NAMPT: variants seen among roughly 807,000 people sequenced by gnomAD.
NAMPT encodes the protein NAmPRTase.
NAMPT carries 7 observed loss-of-function variants against 58.7 expected under a neutral mutation model. The observed-to-expected ratio is 0.12, with a 90% CI of 0.07 to 0.22. NAMPT has a LOEUF of 0.22. NAMPT is among the 10% of genes least tolerant of loss of function. The pLI, the probability that NAMPT is intolerant of heterozygous loss-of-function variation, is 1.00. For missense variants in NAMPT, 271 were observed against 567.9 expected (o/e 0.48, Z 5.31); for synonymous variants, 145 against 198.1 (o/e 0.73, Z 2.25).
intron 1 of NAMPT, among the ~76,000 whole-genome samples, chr7:106,281,340 G>A (rs1792760543): frequency 3.3e-5 from 5 of 152,066 alleles, no homozygotes; most frequent in Admixed American, 1.3e-4. Context: ...TGATGTCTTA[G>A]GGTTGATTTG....
At chr7:106,256,573 C>T (rs1447585673) in intron 8 of NAMPT, among the ~76,000 whole-genome samples, 1 of 152,124 alleles carries the variant, frequency 6.6e-6, no homozygotes, top group Non-Finnish European at 1.5e-5. Context: ...TACAATGGTT[C>T]AACTTAACAA....
chr7:106,277,318 A>G, intron 1 of NAMPT, 139 bp from the exon 2 acceptor site: 2 of 691,938 alleles, frequency 2.9e-6, no homozygotes, highest in South Asian at 4.3e-5. Context: ...TCCTGGCTAT[A>G]CCAAATAAAA....
intron 1 of NAMPT, among the ~76,000 whole-genome samples, chr7:106,278,878 C>CTGAT (rs533987678): frequency 2.1e-4 from 32 of 151,416 alleles, no homozygotes; most frequent in Non-Finnish European, 1.8e-4. Context: ...GTTTGTAAGT[C>CTGAT]TGATTCATAG....
chr7:106,276,225 A>G (rs1792636725), intron 2 of NAMPT: 1 of 152,218 alleles, frequency 6.6e-6, no homozygotes, highest in Non-Finnish European at 1.5e-5. Flanking sequence ...TGTTTAATTC[A>G]AAAGGTTAGA....
chr7:106,280,060 A>T (rs1165313637), intron 1 of NAMPT, among the ~76,000 whole-genome samples: 1 of 152,194 alleles, frequency 6.6e-6, no homozygotes, highest in Non-Finnish European at 1.5e-5. Context: ...TACCAAGTGC[A>T]ATGGGAAGCC....
In NAMPT at chr7:106,284,821, G is replaced by C; in HGVS notation, c.57+7C>G. On this transcript the variant is annotated splice_region_variant and intron_variant, in intron 1 of 10. Transcript: ENST00000222553. ...TCCTCCTCATCTGCCCGGGCCCCGA[G>C]CTTTACCTTGTAGGAGTCGGTGGCC... The C allele has an allele frequency of 6.5e-7, 1 of 1,526,782 alleles. No homozygotes were observed. Among genetic ancestry groups the C allele is most frequent in the Non-Finnish European group, 8.8e-7 (1 of 1,131,626 alleles). The allele number at this position is 1,526,782 out of a possible 1,614,324, so 94.6% of individuals were successfully genotyped here. A position where few individuals can be genotyped will look rare whatever the true frequency, so the allele number is the denominator to read the frequency against.
intron 6 of NAMPT, among the ~76,000 whole-genome samples, chr7:106,265,876 A>G (rs1169366084): frequency 6.6e-6 from 1 of 152,230 alleles, no homozygotes; most frequent in Non-Finnish European, 1.5e-5. Context: ...AAGCTTCTGT[A>G]ATTAAATATT....
Position 106,272,576 on chromosome 7 carries a change from A to G in NAMPT, c.401T>C (p.Val134Ala). Residue 134 changes from valine (V) to alanine (A), a missense_variant, in exon 4 of 11, where the codon GTG becomes GCG. Around this residue, in one of 4 missense-constraint regions of NAMPT, gnomAD observed 103 missense variants for 194.2 expected, o/e 0.53. Coordinates refer to ENST00000222553, the MANE Select transcript of NAMPT (RefSeq NM_005746.3). ...VIPRGNVLFT[V>A]ENTDPECYWL... ...GTAACACTCTGGATCTGTGTTTTCC[A>G]CCGTGAAGAGAACATTTCCTCTGGG... 1.9e-6 allele frequency: 3 copies of G among 1,612,130 alleles called. No homozygotes were observed. The highest frequency in any genetic ancestry group is 2.5e-6 in the Non-Finnish European group (3 of 1,178,316).
At chr7:106,281,392 A>C (rs1792761524) in intron 1 of NAMPT, among the ~76,000 whole-genome samples, 1 of 152,202 alleles carries the variant, frequency 6.6e-6, no homozygotes, top group Non-Finnish European at 1.5e-5. Flanking sequence ...ACCAAATGCA[A>C]GTACTACTAT....
intron 2 of NAMPT, 132 bp downstream of exon 2, chr7:106,276,891 G>C (rs1475671667): frequency 4.4e-6 from 3 of 683,936 alleles, no homozygotes; most frequent in Admixed American, 3.0e-5. Context: ...CTCATACTTA[G>C]AACATCAAAC....
At chr7:106,251,830 T>C (rs181863959) in intron 10 of NAMPT, among the ~76,000 whole-genome samples, 212 of 152,216 alleles carry the variant, frequency 1.4e-3, no homozygotes, top group Admixed American at 3.2e-3. Context: ...CAAAGACAGA[T>C]TGAAGAAATT....
chr7:106,259,312 G>C (rs1372858817), intron 8 of NAMPT, among the ~76,000 whole-genome samples: 1 of 152,154 alleles, frequency 6.6e-6, no homozygotes, highest in African/African-American at 2.4e-5. Context: ...GTGAAGGTTG[G>C]AATCAATTTC....
intron 1 of NAMPT, among the ~76,000 whole-genome samples, chr7:106,281,530 T>C (rs898992160): frequency 1.3e-5 from 2 of 152,176 alleles, no homozygotes; most frequent in African/African-American, 4.8e-5. Context: ...GTTAGCTATA[T>C]AATATCTAAG....
intron 4 of NAMPT, among the ~76,000 whole-genome samples, chr7:106,269,556 C>T (rs953035152): frequency 3.9e-5 from 6 of 152,144 alleles, no homozygotes; most frequent in Non-Finnish European, 8.8e-5. Context: ...TTCACATTAT[C>T]AAGTTTCTAT....
chr7:106,263,532 C>T lies in NAMPT; in HGVS notation c.829G>A (p.Val277Ile). ...TQFSSVPVSV[V>I]SDSYDIYNAC... ...TTATAAATGTCATAGCTATCGCTGA[C>T]CACAGATACAGGCACTGATGAAAAC... is the stretch of plus-strand genomic sequence containing the variant. Residue 277 changes from valine (V) to isoleucine (I), a missense_variant, in exon 7 of 11, where the codon GTC (valine) becomes ATC (isoleucine). Transcript: ENST00000222553. The T allele has an allele frequency of 6.2e-7, 1 of 1,613,036 alleles. No individual in the cohort carries two copies. Among genetic ancestry groups the T allele is most frequent in the Non-Finnish European group, 8.5e-7 (1 of 1,179,102 alleles).
At chr7:106,276,844 A>G (rs532137030) in intron 2 of NAMPT, 179 bp downstream of exon 2, 17 of 289,092 alleles carry the variant, frequency 5.9e-5, no homozygotes, top group Non-Finnish European at 9.6e-5. Flanking sequence ...CTCGGTTTCC[A>G]AAAAAAAAAA....
At chr7:106,277,544 G>C (rs1449843858) in intron 1 of NAMPT, among the ~76,000 whole-genome samples, 1 of 152,192 alleles carries the variant, frequency 6.6e-6, no homozygotes, top group Non-Finnish European at 1.5e-5. Flanking sequence ...AAAGACAGCA[G>C]AATTTGGTAC....
chr7:106,272,472 C>G, intron 4 of NAMPT, 58 bp downstream of exon 4: 17 of 1,458,122 alleles, frequency 1.2e-5, no homozygotes, highest in Non-Finnish European at 1.6e-5. Flanking sequence ...AAACTGTAAT[C>G]TCAGTTCAAT....
At chr7:106,285,222 G>GGAGGA, upstream of NAMPT, 1 of 1,068,768 alleles carries the variant, frequency 9.4e-7, no homozygotes, top group South Asian at 3.4e-5. Flanking sequence ...GGCGGGGCGG[G>GGAGGA]GAGGAGGACG....
Sources: gnomAD v4.1 joint callset for allele counts (sites outside exome capture counted in the v4.1 genomes callset) on GRCh38, gnomAD v4.1.1 for gene constraint, gnomAD v4.1.1 regional missense constraint, MANE v1.5 for transcripts, NCBI Gene and HGNC (gene_info 2026-07-23, HGNC 2026-07-21) for gene names.